The following CTNNA3 variants were observed in gnomAD, a reference collection of about 807,000 sequenced individuals.
CTNNA3 encodes catenin alpha-3.
In CTNNA3, 76 loss-of-function variants were observed where a neutral mutation model predicts 95.7. That is an observed-to-expected ratio of 0.79 (90% CI 0.66 to 0.96). The LOEUF is 0.96. CTNNA3 is among the 40% of genes least tolerant of loss of function. CTNNA3 has a pLI of 0.00. For synonymous variants in CTNNA3, 431 were observed against 374.4 expected, an observed-to-expected ratio of 1.15 and a Z score of -1.74; for missense variants, 1,191 against 1,089.8, an observed-to-expected ratio of 1.09 and a Z score of -1.31.
chr10:65,925,955 A>G (rs1438053044), intron 17 of CTNNA3, among the ~76,000 whole-genome samples: 1 of 151,420 alleles, frequency 6.6e-6, no homozygotes, highest in African/African-American at 2.4e-5. Flanking sequence ...CATAATATAT[A>G]AAATGACACA....
chr10:66,651,562 G>A (rs189380086), intron 9 of CTNNA3, among the ~76,000 whole-genome samples: 2 of 152,284 alleles, frequency 1.3e-5, no homozygotes, highest in East Asian at 1.9e-4. Flanking sequence ...GGGGGGTTGG[G>A]GGGCAGTGCT....
chr10:66,222,653 AAG>A (rs1027307442), intron 13 of CTNNA3, among the ~76,000 whole-genome samples: 1 of 147,596 alleles, frequency 6.8e-6, no homozygotes, highest in African/African-American at 2.5e-5. Flanking sequence ...AAAAGAGAGG[AAG>A]AGAGTAAGGA....
intron 13 of CTNNA3, among the ~76,000 whole-genome samples, chr10:66,238,049 G>A (rs1218848956): frequency 6.6e-6 from 1 of 151,794 alleles, no homozygotes; most frequent in South Asian, 2.1e-4. Context: ...CTACTTGAAG[G>A]AAAAGACAAG....
At chr10:66,576,795 G>A (rs1245185791) in intron 10 of CTNNA3, among the ~76,000 whole-genome samples, 2 of 151,828 alleles carry the variant, frequency 1.3e-5, no homozygotes, top group Non-Finnish European at 2.9e-5. Context: ...ATGAACATAT[G>A]AGTGCATGCA....
intron 16 of CTNNA3, among the ~76,000 whole-genome samples, chr10:65,971,936 T>C (rs1457018555): frequency 6.6e-6 from 1 of 152,010 alleles, no homozygotes; most frequent in Non-Finnish European, 1.5e-5. Context: ...CTGAATTTAG[T>C]GGCACATCAA....
intron 9 of CTNNA3, among the ~76,000 whole-genome samples, chr10:66,639,767 A>T (rs934246629): frequency 2.0e-5 from 3 of 152,180 alleles, no homozygotes; most frequent in Non-Finnish European, 4.4e-5. Flanking sequence ...GAATCATTCT[A>T]ATACTGTGTG....
At chr10:65,955,685 T>A (rs1403308995) in intron 17 of CTNNA3, among the ~76,000 whole-genome samples, 1 of 152,142 alleles carries the variant, frequency 6.6e-6, no homozygotes, top group Non-Finnish European at 1.5e-5. Flanking sequence ...TGTGATGGAT[T>A]ACGTTTATTG....
chr10:65,943,848 C>T (rs2077468566), intron 17 of CTNNA3, among the ~76,000 whole-genome samples: 2 of 152,294 alleles, frequency 1.3e-5, no homozygotes, highest in South Asian at 4.1e-4. Flanking sequence ...AAAGTATCTA[C>T]ACATTAGGTA....
chr10:67,582,267 C>T (rs1461759195), intron 3 of CTNNA3, among the ~76,000 whole-genome samples: 2 of 133,188 alleles, frequency 1.5e-5, no homozygotes, highest in East Asian at 4.1e-4. Flanking sequence ...TGTCTTTGTT[C>T]TCATTGGTTT....
At chr10:66,471,596 A>G (rs1839134605) in intron 11 of CTNNA3, among the ~76,000 whole-genome samples, 4 of 151,788 alleles carry the variant, frequency 2.6e-5, no homozygotes. Flanking sequence ...TTCACTGCTG[A>G]ATGTTCTTCA....
chr10:65,979,590 C>T (rs1386879730), intron 16 of CTNNA3, among the ~76,000 whole-genome samples: 1 of 151,982 alleles, frequency 6.6e-6, no homozygotes, highest in African/African-American at 2.4e-5. Context: ...TTTGCTCATC[C>T]TTCCTCTTCT....
intron 5 of CTNNA3, among the ~76,000 whole-genome samples, chr10:67,274,129 A>G (rs776137699): frequency 7.2e-5 from 11 of 152,154 alleles, no homozygotes; most frequent in Admixed American, 2.6e-4. Flanking sequence ...AGCATAAATT[A>G]GAGTAAAATA....
chr10:67,698,203 T>C (rs535010311), upstream of CTNNA3, among the ~76,000 whole-genome samples: 3 of 152,010 alleles, frequency 2.0e-5, no homozygotes, highest in Admixed American at 1.3e-4. Context: ...CACATGCCTC[T>C]TGCAAGCAAT....
chr10:67,564,718 T>TAG (rs1841693318), intron 3 of CTNNA3, among the ~76,000 whole-genome samples: 1 of 97,030 alleles, frequency 1.0e-5, no homozygotes, highest in African/African-American at 3.9e-5. Flanking sequence ...TATATATATA[T>TAG]CACTATGATC....
intron 5 of CTNNA3, among the ~76,000 whole-genome samples, chr10:67,238,823 A>C (rs964017396): frequency 5.9e-5 from 9 of 152,130 alleles, no homozygotes; most frequent in African/African-American, 2.2e-4. Flanking sequence ...ACTTCATTAT[A>C]ATTCTCTTGA....
intron 15 of CTNNA3, among the ~76,000 whole-genome samples, chr10:65,997,089 A>G (rs1311509889): frequency 1.3e-5 from 2 of 152,120 alleles, no homozygotes; most frequent in Non-Finnish European, 2.9e-5. Flanking sequence ...AGCCTAAGAA[A>G]TGTGTAATCT....
intron 7 of CTNNA3, among the ~76,000 whole-genome samples, chr10:67,043,401 A>C (rs1387613820): frequency 1.3e-5 from 2 of 152,084 alleles, no homozygotes; most frequent in Admixed American, 1.3e-4. Context: ...ATGCTACTGA[A>C]ACCCTTTATT....
intron 7 of CTNNA3, among the ~76,000 whole-genome samples, chr10:67,123,809 A>C (rs1197338892): frequency 6.6e-6 from 1 of 152,194 alleles, no homozygotes; most frequent in Non-Finnish European, 1.5e-5. Flanking sequence ...ATGCATTAGA[A>C]TGCTTTCTTC....
At chr10:67,589,456 G>A (rs1315070667) in intron 3 of CTNNA3, among the ~76,000 whole-genome samples, 1 of 151,092 alleles carries the variant, frequency 6.6e-6, no homozygotes, top group Non-Finnish European at 1.5e-5. Flanking sequence ...AAAGGCATAG[G>A]AAAATAGTAT....
Sources: gnomAD v4.1 joint callset for allele counts (sites outside exome capture counted in the v4.1 genomes callset) on GRCh38, gnomAD v4.1.1 for gene constraint, MANE v1.5 for transcripts, NCBI Gene and HGNC (gene_info 2026-07-23, HGNC 2026-07-21) for gene names.